AUTS2: variants seen among roughly 807,000 people sequenced by gnomAD.
AUTS2 encodes the protein autism susceptibility gene 2 protein.
A neutral mutation model predicts 112.4 loss-of-function variants in AUTS2; 17 were observed. The observed-to-expected ratio is 0.15, with a 90% confidence interval of 0.10 to 0.23. The LOEUF is 0.23. Among genes scored for constraint, AUTS2 ranks in the 10% least tolerant of loss-of-function variants. The pLI is 1.00. For missense variants in AUTS2, 1,510 were observed against 1,701.6 expected (o/e 0.89, Z 1.98); for synonymous variants, 751 against 702.7 (o/e 1.07, Z -1.09).
At position 69,995,242 on chromosome 7, in the gene AUTS2, C is replaced by T. The variant is rs770091859; in HGVS notation, c.522+95744C>T. ...TATATATCCTCGTTCTTGTTACTCT[C>T]TCCCCATCTAAATTTTACTCTCCCT... On this transcript the variant is annotated intron_variant, in intron 2 of 18. Coordinates refer to ENST00000342771, the MANE Select transcript of AUTS2 (RefSeq NM_015570.4). Among the ~76,000 whole-genome samples, 12 of 152,158 alleles carry T rather than the reference C, an allele frequency of 7.9e-5. No homozygotes were observed. In the East Asian group the frequency reaches 1.7e-3, roughly 22 times the overall value.
chr7:70,405,792 A>C (rs138425047), intron 4 of AUTS2, among the ~76,000 whole-genome samples: 175 of 152,356 alleles, frequency 1.1e-3, no homozygotes, highest in African/African-American at 4.0e-3. Flanking sequence ...ATACCCTTGC[A>C]ATGTTCAAAG....
chr7:70,085,107 G>A (rs1803526781), intron 2 of AUTS2, among the ~76,000 whole-genome samples: 1 of 152,050 alleles, frequency 6.6e-6, no homozygotes, highest in Non-Finnish European at 1.5e-5. Context: ...GAACTTCTGA[G>A]CTCAATCAAT....
intron 1 of AUTS2, among the ~76,000 whole-genome samples, chr7:69,833,727 G>T (rs944901865): frequency 2.0e-5 from 3 of 152,106 alleles, no homozygotes; most frequent in Non-Finnish European, 4.4e-5. Flanking sequence ...AAGCCACTGC[G>T]CCCGGCAATT....
chr7:70,521,776 T>C (rs1799657787), intron 5 of AUTS2, among the ~76,000 whole-genome samples: 1 of 152,118 alleles, frequency 6.6e-6, no homozygotes, highest in Admixed American at 6.5e-5. Flanking sequence ...CGTTTGTTAT[T>C]TTAGTTTACC....
Position 70,469,006 on chromosome 7 carries a change from A to G in AUTS2, c.690+33225A>G, listed in dbSNP as rs151234713. ...TGCCCTATATAAAATAATCGTCAGT[A>G]GTTGGGTAATAATTATTCTGCACCA... On this transcript the variant is annotated intron_variant, in intron 5 of 18. Transcript: ENST00000342771. Among the ~76,000 whole-genome samples the G allele has an allele frequency of 2.0e-3, 305 of 152,348 alleles. 1 individual carries two copies. The highest frequency in any genetic ancestry group is 3.3e-3 in the Non-Finnish European group (222 of 68,034).
intron 5 of AUTS2, among the ~76,000 whole-genome samples, chr7:70,502,895 T>C (rs1798822046): frequency 6.6e-6 from 1 of 150,962 alleles, no homozygotes; most frequent in South Asian, 2.1e-4. Flanking sequence ...TACCCTCCAT[T>C]GTTTGTCAGT....
chr7:69,946,255 T>TC (rs1796805357), intron 2 of AUTS2, among the ~76,000 whole-genome samples: 1 of 152,186 alleles, frequency 6.6e-6, no homozygotes, highest in Non-Finnish European at 1.5e-5. Context: ...CCCAAGTTGT[T>TC]ACAAACTGCA....
chr7:70,676,062 C>T (rs1045912059), intron 5 of AUTS2, among the ~76,000 whole-genome samples: 2 of 152,094 alleles, frequency 1.3e-5, no homozygotes, highest in African/African-American at 4.8e-5. Flanking sequence ...ACGAAATGGC[C>T]TAGGAATGTA....
In AUTS2 at chr7:70,770,793, C is replaced by T. The variant is rs1052562344; in HGVS notation, c.1735-756C>T. The stretch of plus-strand genomic sequence containing the variant: ...AAAACTCAGACTTCATATGTTAATA[C>T]GGAAGTGCTTTGAGTACCTGAGACT... On this transcript the variant is annotated intron_variant, in intron 10 of 18. Transcript: ENST00000342771. 2.2e-4 allele frequency among the ~76,000 whole-genome samples: 34 copies of T among 152,302 alleles called. 1 individual carries two copies. Among genetic ancestry groups the T allele is most frequent in the Admixed American group, 1.9e-3 (29 of 15,310 alleles).
chr7:69,791,489 G>A (rs1258667815), intron 1 of AUTS2, among the ~76,000 whole-genome samples: 1 of 152,186 alleles, frequency 6.6e-6, no homozygotes, highest in Non-Finnish European at 1.5e-5. Context: ...TCTTTGTGGA[G>A]TGCAGTCACG....
chr7:70,776,738 G>A, intron 13 of AUTS2: 1 of 345,884 alleles, frequency 2.9e-6, no homozygotes, highest in South Asian at 2.6e-5. Flanking sequence ...ATTATAGCAT[G>A]GCAACATTTG....
chr7:70,109,136 C>T (rs1016332779), intron 2 of AUTS2, among the ~76,000 whole-genome samples: 1 of 152,008 alleles, frequency 6.6e-6, no homozygotes, highest in African/African-American at 2.4e-5. Context: ...AATGACAGGC[C>T]ATTTAAAAAG....
rs1427957639 is a variant in AUTS2, at chr7:70,791,614, G to C, written c.*618G>C. Reference sequence around the variant, plus strand: ...CCCTTCAACTATGCAATGAATGTTCGGGCTTTTCACAAAAGCCCGCCTAAC... The same window carrying C: ...CCCTTCAACTATGCAATGAATGTTCCGGCTTTTCACAAAAGCCCGCCTAAC... On this transcript the variant is annotated 3_prime_UTR_variant, in exon 19 of 19. Coordinates refer to ENST00000342771, the MANE Select transcript of AUTS2 (RefSeq NM_015570.4). The C allele has an allele frequency of 1.0e-4, 16 of 152,518 alleles. No individual in the cohort carries two copies. Among genetic ancestry groups the C allele is most frequent in the African/African-American group, 3.9e-4 (16 of 41,404 alleles). The allele number at this position is 152,518 out of a possible 1,614,324, so 9.4% of individuals were successfully genotyped here.
chr7:70,543,421 C>T (rs1014123692), intron 5 of AUTS2, among the ~76,000 whole-genome samples: 11 of 151,212 alleles, frequency 7.3e-5, no homozygotes, highest in Admixed American at 3.3e-4. Flanking sequence ...CCCAGCTACT[C>T]GGGAGGCTGA....
intron 2 of AUTS2, among the ~76,000 whole-genome samples, chr7:69,922,597 T>C (rs1383258402): frequency 1.3e-5 from 2 of 152,250 alleles, no homozygotes; most frequent in African/African-American, 4.8e-5. Flanking sequence ...TTTTTGGTTG[T>C]AGCCAACTCA....
intron 1 of AUTS2, among the ~76,000 whole-genome samples, chr7:69,836,800 G>A (rs180905205): frequency 2.1e-4 from 32 of 152,246 alleles, no homozygotes; most frequent in Non-Finnish European, 3.5e-4. Flanking sequence ...TGATACTAGC[G>A]TTTACTTATT....
At chr7:70,770,616 T>C (rs1304860933) in intron 10 of AUTS2, among the ~76,000 whole-genome samples, 2 of 152,228 alleles carry the variant, frequency 1.3e-5, no homozygotes, top group African/African-American at 4.8e-5. Context: ...ATTGTGTCCT[T>C]TTATAGGCTG....
chr7:69,785,016 A>G (rs1424920771), intron 1 of AUTS2, among the ~76,000 whole-genome samples: 1 of 152,076 alleles, frequency 6.6e-6, no homozygotes, highest in African/African-American at 2.4e-5. Context: ...TGATAGTGAT[A>G]AATACTATGA....
chr7:69,820,504 C>A (rs939599596), intron 1 of AUTS2, among the ~76,000 whole-genome samples: 6 of 152,344 alleles, frequency 3.9e-5, no homozygotes, highest in Middle Eastern at 3.4e-3. Flanking sequence ...TTTGACAACT[C>A]CTGCTTTAGG....
Sources: allele counts gnomAD v4.1 joint callset (sites outside exome capture counted in the v4.1 genomes callset), GRCh38; gene constraint gnomAD v4.1.1; transcripts MANE v1.5; gene names NCBI Gene and HGNC (gene_info 2026-07-23, HGNC 2026-07-21).